Variants in COX5A observed in about 807,000 individuals in gnomAD.
COX5A encodes cytochrome c oxidase subunit 5A, mitochondrial.
A neutral mutation model predicts 16.1 loss-of-function variants in COX5A; 6 were observed. That is an observed-to-expected ratio of 0.37 (90% CI 0.20 to 0.73). The LOEUF (loss-of-function observed/expected upper bound fraction) is 0.73. Ranked by LOEUF, COX5A falls within the 30% of genes least tolerant of loss-of-function variation. The pLI is 0.50. For missense variants in COX5A, 159 were observed against 194.9 expected (o/e 0.82, Z 1.10); for synonymous variants, 73 against 73.8 (o/e 0.99, Z 0.06).
chr15:74,927,772 C>CAAACA (rs546787230), intron 2 of COX5A, among the ~76,000 whole-genome samples: 3 of 151,900 alleles, frequency 2.0e-5, no homozygotes, highest in South Asian at 2.1e-4. Context: ...AACTCCATCT[C>CAAACA]AAACAAAACA....
chr15:74,937,567 C>A, intron 1 of COX5A: 1 of 205,188 alleles, frequency 4.9e-6, no homozygotes, highest in Non-Finnish European at 9.7e-6. Context: ...CGCTGCAGGC[C>A]GGCGGCGGCC....
Position 74,926,768 on chromosome 15 carries a change from T to C in COX5A, c.337A>G (p.Lys113Glu). ...ASTVRILEVV[K>E]DKAGPHKEIY... ...TTTAGCATTATTATTTCACTGACCT[T>C]AACAACCTCTAGGATACGAACTGTA... The change falls in exon 3 of 5, where the codon AAG (lysine) becomes GAG (glutamate). Residue 113 changes from lysine to glutamate, a missense_variant and splice_region_variant. By Grantham distance (56) the Lys-to-Glu change is moderately conservative (BLOSUM62 1). Coordinates refer to ENST00000322347, the MANE Select transcript of COX5A (RefSeq NM_004255.4). 1 of 1,609,192 alleles carries C rather than the reference T, an allele frequency of 6.2e-7. No homozygotes were observed. Among genetic ancestry groups the C allele is most frequent in the Non-Finnish European group, 8.5e-7 (1 of 1,178,094 alleles).
chr15:74,925,079 T>G (rs541594012), intron 3 of COX5A, among the ~76,000 whole-genome samples: 1 of 152,202 alleles, frequency 6.6e-6, no homozygotes, highest in African/African-American at 2.4e-5. Context: ...TCCCAGCACT[T>G]TGGGAGGCTG....
At chr15:74,925,549 C>T (rs565551660) in intron 3 of COX5A, among the ~76,000 whole-genome samples, 6 of 151,456 alleles carry the variant, frequency 4.0e-5, no homozygotes, top group Admixed American at 6.6e-5. Flanking sequence ...CCCCCACGCC[C>T]GGCTAATTTT....
Position 74,928,598 on chromosome 15 carries a change from A to G in COX5A, c.217+518T>C, listed in dbSNP as rs555704466. Among the ~76,000 whole-genome samples the G allele has an allele frequency of 9.2e-4, 140 of 152,172 alleles. 1 individual carries two copies. The highest frequency in any genetic ancestry group is 2.0e-3 in the African/African-American group (81 of 41,500). On this transcript the variant is annotated intron_variant, in intron 2 of 4. Coordinates refer to ENST00000322347, the MANE Select transcript of COX5A (RefSeq NM_004255.4). ...GACGGGGTTTCACCATGTTAGCCAG[A>G]ATGGTCTTGATCTCCTGACCTCGTG...
intron 2 of COX5A, among the ~76,000 whole-genome samples, chr15:74,927,534 G>C (rs2065349642): frequency 6.6e-6 from 1 of 152,008 alleles, no homozygotes; most frequent in Non-Finnish European, 1.5e-5. Flanking sequence ...AGAGATTCAA[G>C]GCTGGGCTCA....
intron 1 of COX5A, among the ~76,000 whole-genome samples, chr15:74,931,616 C>A (rs1427764017): frequency 6.9e-6 from 1 of 144,078 alleles, no homozygotes; most frequent in African/African-American, 2.6e-5. Context: ...TGCAGTGGAA[C>A]AATCTCAGCT....
In COX5A at chr15:74,923,303, T is replaced by C. The variant is rs1442636388; in HGVS notation, c.*9+345A>G. Among the ~76,000 whole-genome samples, 5 of 151,970 alleles carry C rather than the reference T, an allele frequency of 3.3e-5. No individual in the cohort carries two copies. The East Asian group carries it at 7.8e-4, about 24-fold the overall frequency. On this transcript the variant is annotated intron_variant, in intron 4 of 4. Coordinates refer to ENST00000322347, the MANE Select transcript of COX5A (RefSeq NM_004255.4). Reference sequence around the variant, plus strand: ...GCCAGTTGTGGTGGCATGTGGCCTGTAGTCCCAGCTACTTGGGAGGCTGAG... The same window carrying C: ...GCCAGTTGTGGTGGCATGTGGCCTGCAGTCCCAGCTACTTGGGAGGCTGAG...
At chr15:74,931,016 CAAAAA>C (rs61417867) in intron 1 of COX5A, among the ~76,000 whole-genome samples, 15 of 23,718 alleles carry the variant, frequency 6.3e-4, no homozygotes, top group African/African-American at 1.4e-3. Context: ...GACTCTGTCT[CAAAAA>C]AAAAAAAAAA....
chr15:74,929,371 C>T (rs1008605085), intron 1 of COX5A, 139 bp from the exon 2 acceptor site: 1 of 610,054 alleles, frequency 1.6e-6, no homozygotes, highest in Non-Finnish European at 2.9e-6. Context: ...ACATCGTATA[C>T]ATTGATACAG....
At chr15:74,931,016 C>CAAAAA (rs61417867) in intron 1 of COX5A, among the ~76,000 whole-genome samples, 304 of 23,706 alleles carry the variant, frequency 0.013, 41 homozygotes, top group East Asian at 0.1. Context: ...GACTCTGTCT[C>CAAAAA]AAAAAAAAAA....
rs991377815 is a variant in COX5A, at chr15:74,929,242, G to A, written c.101-10C>T. ...CGAACTGACTGGATAGCTATAATGT[G>A]AAAGAACCATAACTTCAATGTACAC... is the stretch of plus-strand genomic sequence containing the variant. On this transcript the variant is annotated splice_polypyrimidine_tract_variant and intron_variant, in intron 1 of 4. Coordinates refer to ENST00000322347, the MANE Select transcript of COX5A (RefSeq NM_004255.4). 12 of 1,551,552 alleles carry A rather than the reference G, an allele frequency of 7.7e-6. No homozygotes were observed. The highest frequency in any genetic ancestry group is 1.1e-5 in the Non-Finnish European group (12 of 1,124,230).
intron 1 of COX5A, among the ~76,000 whole-genome samples, chr15:74,931,400 C>T (rs2065366802): frequency 6.6e-6 from 1 of 151,848 alleles, no homozygotes; most frequent in Non-Finnish European, 1.5e-5. Context: ...ACGCGAGAGA[C>T]TGAGGCAGGA....
intron 2 of COX5A, among the ~76,000 whole-genome samples, chr15:74,927,137 T>G (rs1433540346): frequency 1.4e-5 from 2 of 146,406 alleles, no homozygotes; most frequent in African/African-American, 2.6e-5. Context: ...AAATCCTGAG[T>G]TTTTTTTTTC....
At chr15:74,924,664 G>A (rs1023718351) in intron 3 of COX5A, among the ~76,000 whole-genome samples, 1 of 152,168 alleles carries the variant, frequency 6.6e-6, no homozygotes, top group Non-Finnish European at 1.5e-5. Context: ...GGAAAAGAAG[G>A]TAGTGATGAC....
rs778137192 is a variant in COX5A, at chr15:74,926,812, C to T, written c.293G>A (p.Arg98Gln). 2.5e-5 allele frequency: 40 copies of T among 1,613,900 alleles called. No individual in the cohort carries two copies. Among genetic ancestry groups the T allele is most frequent in the Non-Finnish European group, 3.1e-5 (37 of 1,179,902 alleles). ...AACTGTACTAGCAAAATCATTTAAC[C>T]GTCTGCATGCCCGCAAAGCAGCATC... ...IIDAALRACR[R>Q]LNDFASTVRI... is the part of the protein sequence containing the mutation. Residue 98 changes from arginine (R) to glutamine (Q), a missense_variant, in exon 3 of 5, where the codon CGG (arginine) becomes CAG (glutamine). Physicochemically the swap from Arg to Gln is conservative, Grantham distance 43 (BLOSUM62 1). Coordinates refer to ENST00000322347, the MANE Select transcript of COX5A (RefSeq NM_004255.4).
Position 74,920,333 on chromosome 15 carries a change from T to C in COX5A, c.*119A>G. 2.9e-6 allele frequency: 2 copies of C among 681,654 alleles called. No homozygotes were observed. Among genetic ancestry groups the C allele is most frequent in the Non-Finnish European group, 5.3e-6 (2 of 378,992 alleles). 42.2% of individuals were successfully genotyped at this position (681,654 alleles called of 1,614,324 possible). A position where few individuals can be genotyped will look rare whatever the true frequency, so the allele number is the denominator to read the frequency against. ...TCCAAGTTACCATTACATGGCTTGG[T>C]ACTCAATAAAGGAAAACTTGTTCAA... On this transcript the variant is annotated 3_prime_UTR_variant, in exon 5 of 5. Coordinates refer to ENST00000322347, the MANE Select transcript of COX5A (RefSeq NM_004255.4).
intron 1 of COX5A, among the ~76,000 whole-genome samples, chr15:74,930,715 A>AT (rs953526216): frequency 6.7e-5 from 10 of 148,746 alleles, no homozygotes; most frequent in African/African-American, 4.9e-5. Context: ...TCATTCACAC[A>AT]TTAAAAAAAA....
At chr15:74,934,352 A>T (rs1288222553) in intron 1 of COX5A, among the ~76,000 whole-genome samples, 11 of 148,706 alleles carry the variant, frequency 7.4e-5, no homozygotes, top group Non-Finnish European at 1.0e-4. Flanking sequence ...TTTTTTTGAG[A>T]TGGAGTCTCA....
Sources: gnomAD v4.1 joint callset for allele counts (sites outside exome capture counted in the v4.1 genomes callset) on GRCh38, gnomAD v4.1.1 for gene constraint, MANE v1.5 for transcripts, NCBI Gene and HGNC (gene_info 2026-07-23, HGNC 2026-07-21) for gene names.